ACSBG1: variants seen among roughly 807,000 people sequenced by gnomAD.
ACSBG1 encodes the protein acyl-CoA synthetase bubblegum family member 1.
ACSBG1 carries 39 observed loss-of-function variants against 80.2 expected under a neutral mutation model. That is an observed-to-expected ratio of 0.49 (90% CI 0.38 to 0.64). The LOEUF is 0.64. Ranked by LOEUF, ACSBG1 falls within the 30% of genes least tolerant of loss-of-function variation. ACSBG1 has a pLI of 0.00. For synonymous variants in ACSBG1, 392 were observed against 379.5 expected (o/e 1.03, Z -0.38); for missense variants, 828 against 966.4 (o/e 0.86, Z 1.90).
intron 4 of ACSBG1, 98 bp downstream of exon 4, chr15:78,193,834 G>T: frequency 6.7e-7 from 1 of 1,481,494 alleles, no homozygotes; most frequent in South Asian, 1.2e-5. Context: ...AGGATGGTGG[G>T]GAGTGGGTGG....
At position 78,178,675 on chromosome 15, in the gene ACSBG1, G is replaced by A. The variant is rs780783529; in HGVS notation, c.1641C>T (p.His547=). The A allele has an allele frequency of 1.2e-6, 2 of 1,614,058 alleles. No individual in the cohort carries two copies. The highest frequency in any genetic ancestry group is 1.7e-5 in the Admixed American group (1 of 60,022). ...CEAIDEEGWL[H]TGDAGRLDAD... ...CGTCCAGGCGGCCAGCATCACCCGT[G>A]TGCAGCCAGCCTTCCTCGTCGATGG... The change falls in exon 11 of 14, where the codon CAC becomes CAT. Residue 547 remains histidine (H), a synonymous_variant. Transcript: ENST00000258873. The surrounding 1 kb of genome is among the most constrained non-coding windows in gnomAD (Gnocchi z 4.3).
chr15:78,229,935 A>C (rs913748724), intron 1 of ACSBG1, among the ~76,000 whole-genome samples: 3 of 152,144 alleles, frequency 2.0e-5, no homozygotes, highest in African/African-American at 7.2e-5. Context: ...GCCACCCGTA[A>C]CATCTTCACA....
chr15:78,192,722 G>A (rs900416798), intron 5 of ACSBG1, among the ~76,000 whole-genome samples: 9 of 152,158 alleles, frequency 5.9e-5, no homozygotes, highest in Middle Eastern at 3.2e-3. Flanking sequence ...GATCCAGATC[G>A]CATAGTCTTG....
intron 5 of ACSBG1, 146 bp from the exon 6 acceptor site, chr15:78,182,931 C>T (rs903731827): frequency 1.4e-5 from 11 of 786,084 alleles, no homozygotes; most frequent in Admixed American, 2.2e-5. Context: ...CAACTGCCAC[C>T]CTTCACCCAT....
intron 1 of ACSBG1, among the ~76,000 whole-genome samples, chr15:78,217,067 C>T (rs1441723082): frequency 6.6e-6 from 1 of 152,188 alleles, no homozygotes; most frequent in African/African-American, 2.4e-5. Flanking sequence ...CTATCTGTGA[C>T]TGGTCATCTA....
chr15:78,185,290 A>G (rs1046373832), intron 5 of ACSBG1, among the ~76,000 whole-genome samples: 2 of 152,210 alleles, frequency 1.3e-5, no homozygotes, highest in Admixed American at 6.5e-5. Flanking sequence ...AGGAAGACCA[A>G]TGACCAGGGC....
intron 5 of ACSBG1, among the ~76,000 whole-genome samples, chr15:78,188,349 AAG>A (rs1222677554): frequency 6.6e-6 from 1 of 152,026 alleles, no homozygotes; most frequent in Non-Finnish European, 1.5e-5. Flanking sequence ...GGAACCAAAA[AAG>A]AGCCTGCATC....
chr15:78,192,343 G>A (rs539392252), intron 5 of ACSBG1, among the ~76,000 whole-genome samples: 2 of 152,250 alleles, frequency 1.3e-5, no homozygotes, highest in South Asian at 2.1e-4. Context: ...CAGCCCAAGT[G>A]TGTGTGTTCA....
chr15:78,172,903 A>G lies in ACSBG1; in HGVS notation c.2089+690T>C, dbSNP rs1214081385. Among the ~76,000 whole-genome samples, 3 of 152,202 alleles carry G rather than the reference A, an allele frequency of 2.0e-5. No individual in the cohort carries two copies. Among genetic ancestry groups the G allele is most frequent in the Non-Finnish European group, 4.4e-5 (3 of 68,036 alleles). ...GTCACACAAGCTGACTTTCCGGAAG[A>G]TCACAGTACTCTCACCCCTAGAACC... On this transcript the variant is annotated intron_variant, in intron 13 of 13. Coordinates refer to ENST00000258873, the MANE Select transcript of ACSBG1 (RefSeq NM_015162.5). This position sits in a 1 kb window ranked among gnomAD's most constrained non-coding sequence, Gnocchi z 4.1.
chr15:78,201,258 G>A (rs1026490796), intron 2 of ACSBG1, among the ~76,000 whole-genome samples: 1 of 152,198 alleles, frequency 6.6e-6, no homozygotes, highest in African/African-American at 2.4e-5. Flanking sequence ...GGGGAAGAAT[G>A]AGCTGAACTC....
intron 5 of ACSBG1, among the ~76,000 whole-genome samples, chr15:78,186,000 T>A (rs748373652): frequency 6.6e-6 from 1 of 152,242 alleles, no homozygotes; most frequent in Non-Finnish European, 1.5e-5. Flanking sequence ...ACCTGTATTA[T>A]AAGAAATGTT....
rs1244201034 is a variant in ACSBG1 at position 78,168,579 on chromosome 15, C to CTTAT, written c.*2861_*2864dup. 5.8e-6 allele frequency: 1 copy of CTTAT among 171,358 alleles called. No individual in the cohort carries two copies. The highest frequency in any genetic ancestry group is 2.4e-5 in the African/African-American group (1 of 42,296). 10.6% of individuals were successfully genotyped at this position (171,358 alleles called of 1,614,324 possible). A position where few individuals can be genotyped will look rare whatever the true frequency, so the allele number is the denominator to read the frequency against. ...TTTCCCAAGGATTTTTATGAAACTTCTTATTTAGATTCGCTTTTATTTAAA... is the reference window on the plus strand; with the variant it reads ...TTTCCCAAGGATTTTTATGAAACTTCTTATTTATTTAGATTCGCTTTTATTTAAA... On this transcript the variant is annotated 3_prime_UTR_variant, in exon 14 of 14. Transcript: ENST00000258873.
intron 2 of ACSBG1, 77 bp downstream of exon 2, chr15:78,207,925 A>ACCCCCCCCCCCCCCCCCCCCC: frequency 2.2e-6 from 1 of 454,978 alleles, no homozygotes; most frequent in Non-Finnish European, 4.3e-6. Context: ...GGTCCCCCAC[A>ACCCCCCCCCCCCCCCCCCCCC]CCACCCACCC....
intron 2 of ACSBG1, among the ~76,000 whole-genome samples, chr15:78,195,851 C>A (rs891759669): frequency 6.6e-6 from 1 of 152,096 alleles, no homozygotes; most frequent in Non-Finnish European, 1.5e-5. Context: ...GCCAGACCCA[C>A]CTCGCCTATT....
intron 3 of ACSBG1, 137 bp downstream of exon 3, chr15:78,194,369 A>G: frequency 1.3e-6 from 1 of 797,282 alleles, no homozygotes; most frequent in Non-Finnish European, 2.0e-6. Context: ...TATCAGCCCC[A>G]CGCACAATGA....
intron 1 of ACSBG1, among the ~76,000 whole-genome samples, chr15:78,219,222 C>T (rs895649790): frequency 3.3e-5 from 5 of 152,064 alleles, no homozygotes; most frequent in East Asian, 3.9e-4. Context: ...AGGAAGCAAT[C>T]GACTGGAATT....
chr15:78,190,202 A>G (rs1177240136), intron 5 of ACSBG1, among the ~76,000 whole-genome samples: 1 of 149,452 alleles, frequency 6.7e-6, no homozygotes, highest in East Asian at 2.0e-4. Context: ...TGAGCCCAGG[A>G]ATTTGAGATG....
At chr15:78,186,345 C>G (rs1324674945) in intron 5 of ACSBG1, among the ~76,000 whole-genome samples, 1 of 152,206 alleles carries the variant, frequency 6.6e-6, no homozygotes, top group East Asian at 1.9e-4. Context: ...CTACAGAACT[C>G]TCCACCCCAA....
chr15:78,184,069 C>T (rs1345692566), intron 5 of ACSBG1, among the ~76,000 whole-genome samples: 1 of 152,146 alleles, frequency 6.6e-6, no homozygotes, highest in Admixed American at 6.5e-5. Flanking sequence ...AGAATTACAT[C>T]AAGATCAAGG....
Sources: gnomAD v4.1 joint callset for allele counts (sites outside exome capture counted in the v4.1 genomes callset) on GRCh38, gnomAD v4.1.1 for gene constraint, Gnocchi (gnomAD v3.1) non-coding constraint, MANE v1.5 for transcripts, NCBI Gene and HGNC (gene_info 2026-07-23, HGNC 2026-07-21) for gene names.